RBMS3: variants seen among roughly 807,000 people sequenced by gnomAD.
RBMS3 encodes RNA-binding motif, single-stranded-interacting protein 3.
Under a neutral mutation model 66.8 loss-of-function variants are expected in RBMS3, and 27 were observed. The observed-to-expected ratio is 0.40, with a 90% CI of 0.30 to 0.56. The LOEUF is 0.56. RBMS3 is among the 20% of genes least tolerant of loss of function. The pLI is 0.40. For missense variants in RBMS3, 513 were observed against 549.5 expected (o/e 0.93, Z 0.66); for synonymous variants, 188 against 183.0 (o/e 1.03, Z -0.22).
rs147464895 is a variant in RBMS3, at chr3:29,704,608, G to A, written c.400-35112G>A. Among the ~76,000 whole-genome samples the A allele has an allele frequency of 4.9e-3, 752 of 152,290 alleles. 2 individuals are homozygous for A. Among genetic ancestry groups the A allele is most frequent in the South Asian group, 8.3e-3 (40 of 4,822 alleles). ...ATTATTGTGATAAAATACATGTAAA[G>A]TAGCAGGCATCTAGTGGGCATTCAA... On this transcript the variant is annotated intron_variant, in intron 4 of 14. Transcript: ENST00000383767.
At chr3:29,508,491 G>A (rs1384208064) in intron 3 of RBMS3, among the ~76,000 whole-genome samples, 1 of 152,086 alleles carries the variant, frequency 6.6e-6, no homozygotes, top group Admixed American at 6.5e-5. Flanking sequence ...TGAGAATAAT[G>A]GTTTCCAGCT....
chr3:29,622,139 C>A (rs903291268), intron 4 of RBMS3, among the ~76,000 whole-genome samples: 2 of 152,128 alleles, frequency 1.3e-5, no homozygotes, highest in Non-Finnish European at 2.9e-5. Flanking sequence ...ATTCCTCCTA[C>A]AAATATTTAT....
intron 6 of RBMS3, among the ~76,000 whole-genome samples, chr3:29,841,131 A>C (rs1262733815): frequency 6.6e-6 from 1 of 151,596 alleles, no homozygotes; most frequent in East Asian, 1.9e-4. Flanking sequence ...GTTCAATTAT[A>C]TCTCTTTCAT....
intron 2 of RBMS3, among the ~76,000 whole-genome samples, chr3:29,472,439 G>C (rs1350615945): frequency 6.6e-6 from 1 of 152,090 alleles, no homozygotes; most frequent in Non-Finnish European, 1.5e-5. Context: ...CAAGTGATCT[G>C]CCCACCTTGG....
At chr3:29,601,752 A>C (rs34583589) in intron 4 of RBMS3, among the ~76,000 whole-genome samples, 5,591 of 152,070 alleles carry the variant, frequency 0.037, 334 homozygotes, top group African/African-American at 0.13. Context: ...GAGGGACAAA[A>C]TGCTCTGGTC....
At chr3:29,899,868 C>T in intron 10 of RBMS3, 113 bp downstream of exon 10, 1 of 974,608 alleles carries the variant, frequency 1.0e-6, no homozygotes, top group South Asian at 1.6e-5. Flanking sequence ...CTCGTTCAGG[C>T]AGCCATATTC....
chr3:29,707,315 G>T (rs141048311), intron 4 of RBMS3, among the ~76,000 whole-genome samples: 1 of 152,140 alleles, frequency 6.6e-6, no homozygotes, highest in Non-Finnish European at 1.5e-5. Flanking sequence ...GTCTACTTTT[G>T]TGCCTGGGTA....
At chr3:29,437,145 G>A (rs1216285348) in intron 2 of RBMS3, among the ~76,000 whole-genome samples, 1 of 152,218 alleles carries the variant, frequency 6.6e-6, no homozygotes, top group Non-Finnish European at 1.5e-5. Flanking sequence ...AATTTTGTTA[G>A]CAATCTGTTA....
intron 1 of RBMS3, among the ~76,000 whole-genome samples, chr3:29,300,167 G>C (rs1332462904): frequency 6.6e-6 from 1 of 151,954 alleles, no homozygotes; most frequent in African/African-American, 2.4e-5. Flanking sequence ...AACCAGAGTA[G>C]ACGGAGATGT....
intron 1 of RBMS3, among the ~76,000 whole-genome samples, chr3:29,305,713 A>T (rs1362058657): frequency 6.6e-6 from 1 of 152,000 alleles, no homozygotes; most frequent in African/African-American, 2.4e-5. Flanking sequence ...CCTGAGCATG[A>T]AATCAAAATA....
At chr3:29,769,377 C>G (rs996345412) in intron 6 of RBMS3, among the ~76,000 whole-genome samples, 1 of 151,840 alleles carries the variant, frequency 6.6e-6, no homozygotes, top group African/African-American at 2.4e-5. Context: ...AGGTTTTGGT[C>G]TTGGATAAAT....
intron 4 of RBMS3, among the ~76,000 whole-genome samples, chr3:29,737,032 A>C (rs2054410786): frequency 1.3e-5 from 2 of 151,924 alleles, no homozygotes; most frequent in South Asian, 4.1e-4. Context: ...GCTGGAGTGC[A>C]GTGGCATGAT....
At chr3:29,423,746 C>T (rs1019215846) in intron 1 of RBMS3, among the ~76,000 whole-genome samples, 1 of 152,186 alleles carries the variant, frequency 6.6e-6, no homozygotes. Context: ...TGAAGAAATA[C>T]ATTTTTAAAT....
intron 8 of RBMS3, among the ~76,000 whole-genome samples, chr3:29,889,978 C>G (rs1456044903): frequency 2.0e-5 from 3 of 151,656 alleles, no homozygotes; most frequent in African/African-American, 4.8e-5. Flanking sequence ...ATGAGTTTCT[C>G]TGTCCTGAGT....
chr3:29,901,632 G>A (rs546016590), intron 10 of RBMS3, among the ~76,000 whole-genome samples: 3 of 151,794 alleles, frequency 2.0e-5, no homozygotes, highest in African/African-American at 7.2e-5. Context: ...TATTATTAGT[G>A]TGTGTGTACA....
rs143628984 is a variant in RBMS3 at position 29,488,465 on chromosome 3, G to A, written c.273G>A (p.Lys91=). The A allele has an allele frequency of 1.1e-4, 171 of 1,611,744 alleles. No individual in the cohort carries two copies. The African/African-American group carries it at 2.1e-3, about 20-fold the overall frequency. ...GGTATGGAAAAATTGTATCTACAAA[G>A]GCAATTCTTGACAAAAACACAAATC... ...CQPYGKIVST[K]AILDKNTNQC... is the part of the protein sequence containing the mutation. Residue 91 remains lysine (K), a synonymous_variant, in exon 3 of 15, where the codon AAG becomes AAA. Transcript: ENST00000383767.
chr3:29,849,024 G>A (rs1419500635), intron 6 of RBMS3, among the ~76,000 whole-genome samples: 1 of 152,002 alleles, frequency 6.6e-6, no homozygotes, highest in African/African-American at 2.4e-5. Context: ...TATCTTTGCA[G>A]CCCCTTAGAG....
chr3:29,368,071 A>G (rs72851282), intron 1 of RBMS3, among the ~76,000 whole-genome samples: 3,516 of 152,296 alleles, frequency 0.023, 140 homozygotes, highest in African/African-American at 0.08. Context: ...CACATCCTGC[A>G]TTAGTAGTCA....
At chr3:29,796,268 G>T (rs2057180995) in intron 6 of RBMS3, among the ~76,000 whole-genome samples, 2 of 152,034 alleles carry the variant, frequency 1.3e-5, no homozygotes, top group South Asian at 4.2e-4. Flanking sequence ...CCACCCCCAT[G>T]CTCCACTTCT....
Sources: gnomAD v4.1 joint callset for allele counts (sites outside exome capture counted in the v4.1 genomes callset) on GRCh38, gnomAD v4.1.1 for gene constraint, MANE v1.5 for transcripts, NCBI Gene and HGNC (gene_info 2026-07-23, HGNC 2026-07-21) for gene names.